The following PLXNA4 variants were observed in gnomAD, a reference collection of about 807,000 sequenced individuals.
PLXNA4 encodes plexin A4.
In PLXNA4, 44 loss-of-function variants were observed where a neutral mutation model predicts 191.8. That is an observed-to-expected ratio of 0.23 (90% confidence interval 0.18 to 0.29). The LOEUF is 0.29. PLXNA4 is among the 10% of genes least tolerant of loss of function. The pLI, the probability that PLXNA4 is intolerant of heterozygous loss-of-function variation, is 1.00. For missense variants in PLXNA4, 1,800 were observed against 2,488.8 expected (o/e 0.72, Z 5.89); for synonymous variants, 1,082 against 1,009.5 (o/e 1.07, Z -1.36).
intron 1 of PLXNA4, among the ~76,000 whole-genome samples, chr7:132,549,015 T>TA (rs1397609707): frequency 6.6e-6 from 1 of 152,166 alleles, no homozygotes; most frequent in East Asian, 1.9e-4. Context: ...CTATATGGTC[T>TA]AAAAAATGGA....
intron 3 of PLXNA4, among the ~76,000 whole-genome samples, chr7:132,373,986 C>A (rs1804554068): frequency 6.6e-6 from 1 of 152,174 alleles, no homozygotes; most frequent in Non-Finnish European, 1.5e-5. Context: ...GGGCTCCCCA[C>A]ACTCCAGTCC....
chr7:132,624,045 C>A (rs575159224), intron 2 of PLXNA4, among the ~76,000 whole-genome samples: 35 of 152,308 alleles, frequency 2.3e-4, no homozygotes, highest in African/African-American at 7.9e-4. Flanking sequence ...ATAGTACTTT[C>A]CCTTATATTG....
At chr7:132,555,509 CAAT>C (rs1800764526) in intron 1 of PLXNA4, among the ~76,000 whole-genome samples, 2 of 152,348 alleles carry the variant, frequency 1.3e-5, no homozygotes, top group South Asian at 4.1e-4. Flanking sequence ...CAACAATTTT[CAAT>C]AATATTACCT....
chr7:132,587,196 C>A (rs756421442), intron 2 of PLXNA4, among the ~76,000 whole-genome samples: 62 of 152,074 alleles, frequency 4.1e-4, no homozygotes, highest in Non-Finnish European at 7.8e-4. Flanking sequence ...TGGAAACAAT[C>A]AAAGTAACTG....
chr7:132,350,003 T>C (rs1254932486), intron 3 of PLXNA4, among the ~76,000 whole-genome samples: 5 of 152,138 alleles, frequency 3.3e-5, no homozygotes, highest in South Asian at 2.1e-4. Flanking sequence ...AATGAATGTG[T>C]GCTGCAGCCC....
intron 4 of PLXNA4, among the ~76,000 whole-genome samples, chr7:132,261,382 T>A (rs1306692406): frequency 6.6e-6 from 1 of 152,210 alleles, no homozygotes; most frequent in Non-Finnish European, 1.5e-5. Flanking sequence ...CTGCAGGGAC[T>A]GAACAAGGGC....
At chr7:132,347,190 C>G (rs745411662) in intron 3 of PLXNA4, among the ~76,000 whole-genome samples, 1 of 152,348 alleles carries the variant, frequency 6.6e-6, no homozygotes, top group Non-Finnish European at 1.5e-5. Flanking sequence ...AAAGCACTCT[C>G]AGCTGAATCC....
At chr7:132,609,007 TG>T (rs879317372) in intron 2 of PLXNA4, among the ~76,000 whole-genome samples, 1 of 152,094 alleles carries the variant, frequency 6.6e-6, no homozygotes, top group Non-Finnish European at 1.5e-5. Context: ...TTTCTCTACC[TG>T]GGGGGCCCTT....
At chr7:132,186,603 C>T (rs922403451) in intron 15 of PLXNA4, among the ~76,000 whole-genome samples, 2 of 152,170 alleles carry the variant, frequency 1.3e-5, no homozygotes, top group Non-Finnish European at 2.9e-5. Flanking sequence ...GTGATTGAAA[C>T]CACCTTTGCA....
intron 12 of PLXNA4, among the ~76,000 whole-genome samples, chr7:132,201,964 C>T (rs138642189): frequency 1.3e-5 from 2 of 152,226 alleles, no homozygotes; most frequent in African/African-American, 4.8e-5. Flanking sequence ...GTGAGAGGGA[C>T]GCTCAGGCCC....
intron 3 of PLXNA4, among the ~76,000 whole-genome samples, chr7:132,337,877 C>G (rs1245410960): frequency 1.3e-5 from 2 of 152,192 alleles, no homozygotes; most frequent in Non-Finnish European, 2.9e-5. Context: ...GGGTGAGTCA[C>G]AGACTAATGG....
At chr7:132,215,415 G>A (rs2116921008) in intron 9 of PLXNA4, among the ~76,000 whole-genome samples, 1 of 152,350 alleles carries the variant, frequency 6.6e-6, no homozygotes, top group South Asian at 2.1e-4. Flanking sequence ...GGAATATTGT[G>A]ACATCAGAAA....
intron 3 of PLXNA4, among the ~76,000 whole-genome samples, chr7:132,336,226 T>C (rs1010038433): frequency 6.6e-6 from 1 of 152,192 alleles, no homozygotes; most frequent in Non-Finnish European, 1.5e-5. Flanking sequence ...TCATTAGTAG[T>C]ATAAATAAGA....
chr7:132,459,551 GT>G (rs1796425065), intron 3 of PLXNA4, among the ~76,000 whole-genome samples: 1 of 152,128 alleles, frequency 6.6e-6, no homozygotes, highest in Non-Finnish European at 1.5e-5. Context: ...AGGGGTCCAG[GT>G]CTTGGGTTTG....
At chr7:132,553,307 T>C (rs1006737601) in intron 1 of PLXNA4, among the ~76,000 whole-genome samples, 3 of 152,172 alleles carry the variant, frequency 2.0e-5, no homozygotes, top group African/African-American at 7.2e-5. Flanking sequence ...CAGCAGCCCT[T>C]AGGCTATTTT....
At chr7:132,146,489 C>T (rs781303129) in intron 28 of PLXNA4, 21 bp downstream of exon 28, 15 of 1,614,004 alleles carry the variant, frequency 9.3e-6, no homozygotes, top group Non-Finnish European at 1.2e-5. Flanking sequence ...GCTCCCTGCA[C>T]CCAGTTCTCA....
chr7:132,561,815 C>T (rs1277858160), intron 1 of PLXNA4, among the ~76,000 whole-genome samples: 1 of 129,210 alleles, frequency 7.7e-6, no homozygotes, highest in East Asian at 2.4e-4. Flanking sequence ...CCTCCTCTTT[C>T]TCCTCCTTCT....
intron 2 of PLXNA4, among the ~76,000 whole-genome samples, chr7:132,586,113 A>G (rs1802500650): frequency 6.6e-6 from 1 of 152,236 alleles, no homozygotes; most frequent in Non-Finnish European, 1.5e-5. Context: ...AATTGACTCA[A>G]TGGTTAAACC....
intron 3 of PLXNA4, among the ~76,000 whole-genome samples, chr7:132,350,781 C>T (rs1803451316): frequency 6.6e-6 from 1 of 152,082 alleles, no homozygotes; most frequent in Non-Finnish European, 1.5e-5. Flanking sequence ...AATTCCACTC[C>T]TTGAAATATA....
Sources: gnomAD v4.1 joint callset for allele counts (sites outside exome capture counted in the v4.1 genomes callset) on GRCh38, gnomAD v4.1.1 for gene constraint, MANE v1.5 for transcripts, NCBI Gene and HGNC (gene_info 2026-07-23, HGNC 2026-07-21) for gene names.